Variants in PATL1 observed in about 807,000 individuals in gnomAD.
PATL1 encodes the protein PAT1 homolog 1, processing body mRNA decay factor.
A neutral mutation model predicts 100.6 loss-of-function variants in PATL1; 32 were observed. The observed-to-expected ratio is 0.32, with a 90% confidence interval of 0.24 to 0.43. The LOEUF is 0.43. Ranked by LOEUF, PATL1 falls within the 20% of genes least tolerant of loss-of-function variation. The pLI is 1.00. For synonymous variants in PATL1, 332 were observed against 330.0 expected (o/e 1.01, Z -0.07); for missense variants, 747 against 949.9 (o/e 0.79, Z 2.81).
Position 59,658,129 on chromosome 11 carries a change from A to G in PATL1, c.427-405T>C, listed in dbSNP as rs569207324. On this transcript the variant is annotated intron_variant, in intron 4 of 18. Transcript: ENST00000300146. ...CAGAGAGCTATGACTGTACCAGTGC[A>G]CTCTAGCCTGGTTGACACAGCAAGA... Among the ~76,000 whole-genome samples the G allele has an allele frequency of 3.3e-5, 5 of 151,562 alleles. No individual in the cohort carries two copies. In the East Asian group the frequency reaches 9.8e-4, roughly 30 times the overall value.
In PATL1 at chr11:59,659,353, G is replaced by C; in HGVS notation, c.244C>G (p.His82Asp). 6.4e-7 allele frequency: 1 copy of C among 1,551,214 alleles called. No homozygotes were observed. The highest frequency in any genetic ancestry group is 1.4e-5 in the African/African-American group (1 of 73,076). Reference protein sequence around the residue: ...ERDEMDLLGDHEENLAERLSK... With the variant: ...ERDEMDLLGDDEENLAERLSK... Reference sequence around the variant, plus strand: ...AGCCTTTCTGCCAGATTCTCCTCATGGTCACCCAACAAGTCCATTTCATCT... The same window carrying C: ...AGCCTTTCTGCCAGATTCTCCTCATCGTCACCCAACAAGTCCATTTCATCT... The change falls in exon 3 of 19, where the codon CAT (histidine) becomes GAT (aspartate). Residue 82 changes from histidine (H) to aspartate (D), a missense_variant. Physicochemically the swap from His to Asp is moderately conservative, Grantham distance 81. This residue lies in a region of PATL1 where 183 missense variants were observed against 221.2 expected (regional missense o/e 0.83). Coordinates refer to ENST00000300146, the MANE Select transcript of PATL1 (RefSeq NM_152716.3).
chr11:59,645,049 C>T, intron 15 of PATL1, among the ~76,000 whole-genome samples: 2 of 142,238 alleles, frequency 1.4e-5, no homozygotes, highest in East Asian at 2.1e-4. Flanking sequence ...TTAATCCATT[C>T]AACCCTGAGT....
chr11:59,659,126 A>G (rs2134756747), intron 3 of PATL1, 126 bp downstream of exon 3: 1 of 983,530 alleles, frequency 1.0e-6, no homozygotes. Flanking sequence ...ATCAGGAAAT[A>G]TATTATCAAT....
intron 15 of PATL1, 36 bp downstream of exon 15, chr11:59,647,714 TAAAG>T: frequency 6.2e-7 from 1 of 1,601,238 alleles, no homozygotes; most frequent in Non-Finnish European, 8.5e-7. Flanking sequence ...TTATCACTTA[TAAAG>T]ACTCAAAAGA....
At chr11:59,653,398 A>C (rs1461241301) in intron 9 of PATL1, among the ~76,000 whole-genome samples, 1 of 152,210 alleles carries the variant, frequency 6.6e-6, no homozygotes. Flanking sequence ...AAGGGATTTT[A>C]ACACAGGCGA....
At position 59,639,022 on chromosome 11, in the gene PATL1, G is replaced by A. The variant is rs563904342; in HGVS notation, c.2291+26C>T. The stretch of plus-strand genomic sequence containing the variant: ...TCTAAAGTCCCAACTTTAGTGAGAT[G>A]TGAAACTCTCCTGTTTCAAACTTAC... On this transcript the variant is annotated intron_variant, in intron 18 of 18. Coordinates refer to ENST00000300146, the MANE Select transcript of PATL1 (RefSeq NM_152716.3). 714 of 1,608,444 alleles carry A rather than the reference G, an allele frequency of 4.4e-4. 4 individuals are homozygous for A. In the South Asian group the frequency reaches 7.5e-3, roughly 17 times the overall value.
intron 2 of PATL1, among the ~76,000 whole-genome samples, chr11:59,661,274 C>T (rs1282965108): frequency 6.6e-6 from 1 of 151,988 alleles, no homozygotes; most frequent in Non-Finnish European, 1.5e-5. Context: ...TTTGTAGAGT[C>T]GGGGTTTCCC....
rs1016221856 is a variant in PATL1, at chr11:59,658,810, G to A, written c.426+56C>T. On this transcript the variant is annotated intron_variant, in intron 4 of 18. Transcript: ENST00000300146. ...CTTCAGTAAGGAAAGGATGACGACA[G>A]GAACTTAAAATTTTTGGATATTATA... is the stretch of plus-strand genomic sequence containing the variant. 21 of 1,364,046 alleles carry A rather than the reference G, an allele frequency of 1.5e-5. No individual in the cohort carries two copies. In the South Asian group the frequency reaches 2.4e-4, roughly 15 times the overall value. The allele number at this position is 1,364,046 out of a possible 1,614,324, so 84.5% of individuals were successfully genotyped here. A position where few individuals can be genotyped will look rare whatever the true frequency, so the allele number is the denominator to read the frequency against.
At chr11:59,653,267 T>C (rs751943708) in intron 9 of PATL1, among the ~76,000 whole-genome samples, 30 of 152,326 alleles carry the variant, frequency 2.0e-4, no homozygotes, top group Non-Finnish European at 2.8e-4. Context: ...CTATGGACTT[T>C]TGTATAAGCT....
intron 13 of PATL1, 94 bp from the exon 14 acceptor site, chr11:59,649,704 C>A: frequency 2.1e-5 from 25 of 1,215,828 alleles, no homozygotes; most frequent in Admixed American, 6.4e-5. Context: ...TAGCTAAAGA[C>A]AAACTCATTA....
At position 59,652,858 on chromosome 11, in the gene PATL1, G is replaced by T; in HGVS notation, c.1282C>A (p.Leu428Met). 1 of 1,613,696 alleles carries T rather than the reference G, an allele frequency of 6.2e-7. No homozygotes were observed. The highest frequency in any genetic ancestry group is 8.5e-7 in the Non-Finnish European group (1 of 1,179,854). ...MMQLQSTDPYLDDFYYQNYFE... is the reference protein window; with the variant it reads ...MMQLQSTDPYMDDFYYQNYFE... ...TTTACCTGGTAATAAAAATCATCCA[G>T]GTAGGGATCAGTGCTTTGCAGTTGC... The change falls in exon 10 of 19, where the codon CTG becomes ATG. Residue 428 changes from leucine (L) to methionine (M), a missense_variant. Leu to Met is a conservative substitution (Grantham distance 15). This residue lies in a region of PATL1 where 434 missense variants were observed against 596.1 expected (regional missense o/e 0.73). Transcript: ENST00000300146.
At chr11:59,659,521 G>A (rs1428490335) in intron 2 of PATL1, 52 bp from the exon 3 acceptor site, 21 of 1,417,966 alleles carry the variant, frequency 1.5e-5, no homozygotes, top group Non-Finnish European at 1.7e-5. Context: ...GTACAAAAAA[G>A]TTTTACACAA....
At chr11:59,665,966 GT>G (rs1861682269) in intron 2 of PATL1, among the ~76,000 whole-genome samples, 1 of 152,042 alleles carries the variant, frequency 6.6e-6, no homozygotes, top group African/African-American at 2.4e-5. Context: ...TGGCTCTTCA[GT>G]TTTTAAACTT....
intron 13 of PATL1, 124 bp from the exon 14 acceptor site, chr11:59,649,734 T>C: frequency 9.3e-7 from 1 of 1,070,116 alleles, no homozygotes. Flanking sequence ...TGAGATTTTT[T>C]TTTTTTTAAT....
chr11:59,642,044 C>G (rs923389272), intron 16 of PATL1, among the ~76,000 whole-genome samples: 2 of 152,176 alleles, frequency 1.3e-5, no homozygotes, highest in African/African-American at 4.8e-5. Context: ...GAACCACTTA[C>G]AACTGTTATC....
At position 59,647,898 on chromosome 11, in the gene PATL1, G is replaced by C. The variant is rs745879210; in HGVS notation, c.1749C>G (p.His583Gln). 9.9e-6 allele frequency: 16 copies of C among 1,609,658 alleles called. No individual in the cohort carries two copies. The South Asian group carries it at 1.4e-4, about 14-fold the overall frequency. Residue 583 changes from histidine (H) to glutamine (Q), a missense_variant, in exon 15 of 19, where the codon CAC (histidine) becomes CAG (glutamine). Transcript: ENST00000300146. The part of the protein sequence containing the change: ...LPGQERPSDD[H>Q]FVQIMCIRKG... ...TTCGGATACACATGATCTGTACAAA[G>C]TGGTCATCACTAGGCCTGCAAGGAA...
At chr11:59,665,984 A>G (rs993507897) in intron 2 of PATL1, among the ~76,000 whole-genome samples, 4 of 151,456 alleles carry the variant, frequency 2.6e-5, no homozygotes, top group South Asian at 4.2e-4. Flanking sequence ...ACTTTTTCCA[A>G]CTCTTAAAAT....
intron 1 of PATL1, among the ~76,000 whole-genome samples, chr11:59,667,288 C>T (rs1861704699): frequency 6.6e-6 from 1 of 152,204 alleles, no homozygotes; most frequent in African/African-American, 2.4e-5. Context: ...CCTTACATCA[C>T]TGGTTGGAAT....
At chr11:59,651,762 C>T (rs1861446758) in intron 11 of PATL1, 121 bp from the exon 12 acceptor site, 1 of 675,040 alleles carries the variant, frequency 1.5e-6, no homozygotes, top group African/African-American at 1.8e-5. Context: ...TAACTTACTG[C>T]AAAACTCAAT....
Sources: allele counts gnomAD v4.1 joint callset (sites outside exome capture counted in the v4.1 genomes callset), GRCh38; gene constraint gnomAD v4.1.1; regional missense constraint gnomAD v4.1.1; transcripts MANE v1.5; gene names NCBI Gene and HGNC (gene_info 2026-07-23, HGNC 2026-07-21).